The following BEND7 variants were observed in gnomAD, a reference collection of about 807,000 sequenced individuals.
BEND7 encodes BEN domain-containing protein 7.
A neutral mutation model predicts 50.9 loss-of-function variants in BEND7; 28 were observed. The observed-to-expected ratio is 0.55, with a 90% CI of 0.41 to 0.75. The LOEUF (loss-of-function observed/expected upper bound fraction) is 0.75, where lower values mean the gene tolerates loss of function less well. Among genes scored for constraint, BEND7 ranks in the 30% least tolerant of loss-of-function variants. The pLI is 0.00. For missense variants in BEND7, 477 were observed against 491.3 expected (o/e 0.97, Z 0.28); for synonymous variants, 170 against 183.9 (o/e 0.92, Z 0.61).
At chr10:13,454,810 A>G (rs1242209177) in intron 6 of BEND7, among the ~76,000 whole-genome samples, 1 of 152,240 alleles carries the variant, frequency 6.6e-6, no homozygotes, top group African/African-American at 2.4e-5. Context: ...AGAGAAATCT[A>G]CAGTTCAGAG....
intron 2 of BEND7, among the ~76,000 whole-genome samples, chr10:13,522,791 C>T (rs1298554375): frequency 2.6e-5 from 4 of 152,196 alleles, no homozygotes; most frequent in Non-Finnish European, 5.9e-5. Flanking sequence ...AAAGCTCAGA[C>T]AGACCTGCAC....
intron 6 of BEND7, among the ~76,000 whole-genome samples, chr10:13,462,949 C>T (rs1195300255): frequency 1.3e-5 from 2 of 152,324 alleles, no homozygotes; most frequent in East Asian, 3.9e-4. Flanking sequence ...TCAGACTCCA[C>T]AACAACTGAA....
At chr10:13,447,844 T>C (rs558943654) in intron 7 of BEND7, among the ~76,000 whole-genome samples, 21 of 152,334 alleles carry the variant, frequency 1.4e-4, no homozygotes, top group African/African-American at 5.1e-4. Flanking sequence ...TTTCTGTTTA[T>C]TTTCACTTAT....
At chr10:13,527,077 T>C (rs1428458754) in intron 1 of BEND7, among the ~76,000 whole-genome samples, 3 of 152,186 alleles carry the variant, frequency 2.0e-5, no homozygotes, top group African/African-American at 7.2e-5. Flanking sequence ...AAAACTACTC[T>C]CACTTTTAAG....
intron 2 of BEND7, among the ~76,000 whole-genome samples, chr10:13,507,723 C>T (rs1226746924): frequency 6.6e-6 from 1 of 152,132 alleles, no homozygotes; most frequent in African/African-American, 2.4e-5. Context: ...TTTGTAAATA[C>T]CAGAAGCAGT....
At chr10:13,442,031 G>T in intron 8 of BEND7, 1 of 466,958 alleles carries the variant, frequency 2.1e-6, no homozygotes, top group Non-Finnish European at 3.8e-6. Context: ...ATTTATCCCA[G>T]AGGGCCTCTC....
intron 6 of BEND7, among the ~76,000 whole-genome samples, chr10:13,465,364 G>A (rs2074126808): frequency 6.6e-6 from 1 of 152,174 alleles, no homozygotes; most frequent in African/African-American, 2.4e-5. Context: ...CTGATGAAAT[G>A]AGAATATCCT....
chr10:13,452,366 T>G (rs776400909), intron 7 of BEND7, among the ~76,000 whole-genome samples, 173 bp downstream of exon 7: 1 of 151,420 alleles, frequency 6.6e-6, no homozygotes, highest in Non-Finnish European at 1.5e-5. Flanking sequence ...AGTCTGAAGG[T>G]GAGTTTCAAA....
chr10:13,514,634 G>A (rs577974763), intron 2 of BEND7, among the ~76,000 whole-genome samples: 1 of 152,324 alleles, frequency 6.6e-6, no homozygotes, highest in East Asian at 1.9e-4. Context: ...GCCGGCACCA[G>A]GATCTCCCTC....
chr10:13,480,997 T>C lies in BEND7; in HGVS notation c.965A>G (p.Asp322Gly). 6.2e-7 allele frequency: 1 copy of C among 1,614,180 alleles called. No individual in the cohort carries two copies. The highest frequency in any genetic ancestry group is 1.3e-5 in the African/African-American group (1 of 75,044). Residue 322 changes from aspartate (D) to glycine (G), a missense_variant, in exon 6 of 9, where the codon GAC (aspartate) becomes GGC (glycine). Asp to Gly is a moderately conservative substitution (Grantham distance 94). Around this residue, in one of 3 missense-constraint regions of BEND7, gnomAD observed 396 missense variants for 384.2 expected, o/e 1.03. Transcript: ENST00000466271. Reference sequence around the variant, plus strand: ...GGGTAAGGAGTTAGCCAAAGTCTTGTCATCAAAAAACGCACACACCAGTTT... The same window carrying C: ...GGGTAAGGAGTTAGCCAAAGTCTTGCCATCAAAAAACGCACACACCAGTTT... Reference protein sequence around the residue: ...FRKLVCAFFDDKTLANSLPNG... With the variant: ...FRKLVCAFFDGKTLANSLPNG...
At position 13,468,060 on chromosome 10, in the gene BEND7, G is replaced by A. The variant is rs76704457; in HGVS notation, c.1063+12839C>T. ...TGCCCGGGAAGTTCAAGTATAAAGC[G>A]CCTGTTTTCCCAATGAGATAATTAA... On this transcript the variant is annotated intron_variant, in intron 6 of 8. Coordinates refer to ENST00000466271, the MANE Select transcript of BEND7 (RefSeq NM_001369863.1). 5.3e-4 allele frequency among the ~76,000 whole-genome samples: 80 copies of A among 152,300 alleles called. 2 individuals carry two copies. In the South Asian group the frequency reaches 8.5e-3, roughly 16 times the overall value.
At chr10:13,517,705 C>T (rs1035666596) in intron 2 of BEND7, among the ~76,000 whole-genome samples, 1 of 152,168 alleles carries the variant, frequency 6.6e-6, no homozygotes, top group Non-Finnish European at 1.5e-5. Context: ...GATCACACCA[C>T]TGCACTCCAG....
intron 4 of BEND7, among the ~76,000 whole-genome samples, chr10:13,495,484 A>G (rs575751655): frequency 9.8e-5 from 15 of 152,286 alleles, no homozygotes; most frequent in African/African-American, 3.6e-4. Context: ...CAACATGGAG[A>G]AACCCCATCT....
chr10:13,475,879 T>G (rs1271565276), intron 6 of BEND7, among the ~76,000 whole-genome samples: 1 of 152,288 alleles, frequency 6.6e-6, no homozygotes, highest in East Asian at 1.9e-4. Context: ...TTAAATAGGG[T>G]TACTTAATTT....
In BEND7 at chr10:13,494,384, T is replaced by C. The variant is rs369030151; in HGVS notation, c.572-1508A>G. ...GTGAGCCGAGATTACGCCACTGCAC[T>C]CCAGCCTGGCGACAGAGTGAGACTA... is the stretch of plus-strand genomic sequence containing the variant. On this transcript the variant is annotated intron_variant, in intron 4 of 8. Coordinates refer to ENST00000466271, the MANE Select transcript of BEND7 (RefSeq NM_001369863.1). Among the ~76,000 whole-genome samples the C allele has an allele frequency of 1.5e-3, 233 of 152,284 alleles. 7 individuals are homozygous for C. In the South Asian group the frequency reaches 0.038, roughly 25 times the overall value.
chr10:13,448,652 G>T (rs1237181072), intron 7 of BEND7, among the ~76,000 whole-genome samples: 1 of 152,088 alleles, frequency 6.6e-6, no homozygotes, highest in Non-Finnish European at 1.5e-5. Context: ...ACCACAAAGA[G>T]AAATCACTGA....
At chr10:13,472,592 C>T (rs182999114) in intron 6 of BEND7, among the ~76,000 whole-genome samples, 6 of 151,450 alleles carry the variant, frequency 4.0e-5, no homozygotes, top group African/African-American at 1.5e-4. Flanking sequence ...GGGGTTGATA[C>T]CCGTCATCAC....
chr10:13,450,213 G>A (rs932274426), intron 7 of BEND7, among the ~76,000 whole-genome samples: 1 of 152,182 alleles, frequency 6.6e-6, no homozygotes, highest in African/African-American at 2.4e-5. Flanking sequence ...GGCAGTGCAG[G>A]CTTCCTTAAG....
At chr10:13,474,523 CG>C (rs1564307005) in intron 6 of BEND7, among the ~76,000 whole-genome samples, 52 of 148,504 alleles carry the variant, frequency 3.5e-4, no homozygotes, top group African/African-American at 1.2e-3. Context: ...GGACTCGGGT[CG>C]ATACCCGTCA....
Sources: gnomAD v4.1 joint callset for allele counts (sites outside exome capture counted in the v4.1 genomes callset) on GRCh38, gnomAD v4.1.1 for gene constraint, gnomAD v4.1.1 regional missense constraint, MANE v1.5 for transcripts, NCBI Gene and HGNC (gene_info 2026-07-23, HGNC 2026-07-21) for gene names.